The following NKAIN2 variants were observed in gnomAD, a reference collection of about 807,000 sequenced individuals.
NKAIN2 encodes sodium/potassium-transporting ATPase subunit beta-1-interacting protein 2.
A neutral mutation model predicts 32.6 loss-of-function variants in NKAIN2; 14 were observed. That is an observed-to-expected ratio of 0.43 (90% CI 0.28 to 0.67). The LOEUF (loss-of-function observed/expected upper bound fraction) is 0.67. Ranked by LOEUF, NKAIN2 falls within the 30% of genes least tolerant of loss-of-function variation. The pLI is 0.17. For synonymous variants in NKAIN2, 80 were observed against 87.2 expected (o/e 0.92, Z 0.46); for missense variants, 198 against 258.3 (o/e 0.77, Z 1.60).
At chr6:123,970,241 A>T (rs1201170249) in intron 1 of NKAIN2, among the ~76,000 whole-genome samples, 1 of 152,166 alleles carries the variant, frequency 6.6e-6, no homozygotes, top group East Asian at 1.9e-4. Context: ...ACTTCATTTT[A>T]TTTTGCAAAG....
At chr6:124,684,174 T>C (rs1055012048) in intron 4 of NKAIN2, among the ~76,000 whole-genome samples, 1 of 152,180 alleles carries the variant, frequency 6.6e-6, no homozygotes, top group African/African-American at 2.4e-5. Flanking sequence ...TCAAAGGCAA[T>C]AGGAAAATAA....
At chr6:123,930,622 T>C (rs939441761) in intron 1 of NKAIN2, among the ~76,000 whole-genome samples, 1 of 152,222 alleles carries the variant, frequency 6.6e-6, no homozygotes, top group Non-Finnish European at 1.5e-5. Context: ...ATATATTAGA[T>C]ACACAATTTA....
chr6:124,603,551 C>G (rs1330648798), intron 3 of NKAIN2, among the ~76,000 whole-genome samples: 2 of 151,798 alleles, frequency 1.3e-5, no homozygotes, highest in African/African-American at 4.8e-5. Flanking sequence ...TATGTCAGTT[C>G]AAAATGATTA....
intron 3 of NKAIN2, among the ~76,000 whole-genome samples, chr6:124,573,485 G>GGTATTTTTTTAAGT (rs1781212283): frequency 6.6e-6 from 1 of 150,500 alleles, no homozygotes; most frequent in Non-Finnish European, 1.5e-5. Flanking sequence ...CTCTTTTTCT[G>GGTATTTTTTTAAGT]GGTATTTTAA....
chr6:124,631,258 T>C (rs921735014), intron 3 of NKAIN2, among the ~76,000 whole-genome samples: 1 of 152,170 alleles, frequency 6.6e-6, no homozygotes, highest in Non-Finnish European at 1.5e-5. Flanking sequence ...ATTTAAGAGC[T>C]CAAATGAGTA....
intron 3 of NKAIN2, among the ~76,000 whole-genome samples, chr6:124,605,674 G>A (rs1782471899): frequency 6.6e-6 from 1 of 151,996 alleles, no homozygotes; most frequent in Admixed American, 6.6e-5. Flanking sequence ...ATAAAATAAT[G>A]AGAAAATGTA....
At chr6:124,117,887 A>G (rs1055896763) in intron 1 of NKAIN2, among the ~76,000 whole-genome samples, 1 of 149,706 alleles carries the variant, frequency 6.7e-6, no homozygotes, top group African/African-American at 2.4e-5. Flanking sequence ...TGCAGACATT[A>G]AAACAGTTAA....
chr6:124,339,395 A>G (rs1228690780), intron 2 of NKAIN2, among the ~76,000 whole-genome samples: 1 of 152,162 alleles, frequency 6.6e-6, no homozygotes, highest in Non-Finnish European at 1.5e-5. Context: ...ATTCTTCTGG[A>G]GTCCACAAGT....
At chr6:124,701,127 AAGG>A (rs2114568305) in intron 4 of NKAIN2, among the ~76,000 whole-genome samples, 1 of 133,742 alleles carries the variant, frequency 7.5e-6, no homozygotes, top group East Asian at 2.3e-4. Context: ...TGATAAAACT[AAGG>A]AGAGAGATAC....
chr6:123,941,736 C>T (rs894392494), intron 1 of NKAIN2, among the ~76,000 whole-genome samples: 6 of 151,972 alleles, frequency 3.9e-5, no homozygotes, highest in East Asian at 1.9e-4. Flanking sequence ...TGCTCTGCTT[C>T]GGGGTTCAGA....
At chr6:124,581,051 A>T (rs74901608) in intron 3 of NKAIN2, among the ~76,000 whole-genome samples, 2 of 152,230 alleles carry the variant, frequency 1.3e-5, no homozygotes, top group Non-Finnish European at 2.9e-5. Context: ...ATATTATTAG[A>T]GCTAAAGAGA....
At chr6:124,028,736 C>T (rs948390536) in intron 1 of NKAIN2, among the ~76,000 whole-genome samples, 3 of 142,566 alleles carry the variant, frequency 2.1e-5, no homozygotes, top group Non-Finnish European at 4.5e-5. Flanking sequence ...CGTGTATACA[C>T]GTATATATGT....
At chr6:124,260,038 GTTAGAA>G (rs1794161721) in intron 1 of NKAIN2, among the ~76,000 whole-genome samples, 2 of 152,138 alleles carry the variant, frequency 1.3e-5, no homozygotes, top group Admixed American at 1.3e-4. Flanking sequence ...TACACAGCTA[GTTAGAA>G]TTAGAACTGC....
intron 3 of NKAIN2, among the ~76,000 whole-genome samples, chr6:124,492,859 A>G (rs1201369026): frequency 6.6e-6 from 1 of 152,016 alleles, no homozygotes; most frequent in Non-Finnish European, 1.5e-5. Flanking sequence ...TTTTGCCACT[A>G]GTGAACTTCT....
chr6:123,968,996 T>TC (rs1205170097), intron 1 of NKAIN2, among the ~76,000 whole-genome samples: 1 of 151,930 alleles, frequency 6.6e-6, no homozygotes, highest in African/African-American at 2.4e-5. Flanking sequence ...GTTTCCTCCT[T>TC]CCCCCCAGCT....
chr6:124,805,716 A>C (rs1454392642), intron 5 of NKAIN2, among the ~76,000 whole-genome samples: 1 of 152,186 alleles, frequency 6.6e-6, no homozygotes, highest in African/African-American at 2.4e-5. Context: ...ATTCAAACCA[A>C]AGGCAAAGAA....
chr6:123,965,199 G>A (rs955458513), intron 1 of NKAIN2, among the ~76,000 whole-genome samples: 4 of 152,064 alleles, frequency 2.6e-5, no homozygotes, highest in Non-Finnish European at 5.9e-5. Context: ...CTGTAGTTAC[G>A]GAACCTAGAA....
intron 4 of NKAIN2, among the ~76,000 whole-genome samples, chr6:124,778,685 G>A (rs900713787): frequency 6.6e-6 from 1 of 152,014 alleles, no homozygotes; most frequent in Non-Finnish European, 1.5e-5. Context: ...AGTAGTAAGA[G>A]AAGCAATTCC....
At chr6:124,750,285 C>G (rs923988049) in intron 4 of NKAIN2, among the ~76,000 whole-genome samples, 2 of 151,902 alleles carry the variant, frequency 1.3e-5, no homozygotes, top group African/African-American at 4.8e-5. Flanking sequence ...GTCACATTGC[C>G]CAGACCCATC....
Sources: allele counts gnomAD v4.1 joint callset (sites outside exome capture counted in the v4.1 genomes callset), GRCh38; gene constraint gnomAD v4.1.1; transcripts MANE v1.5; gene names NCBI Gene and HGNC (gene_info 2026-07-23, HGNC 2026-07-21).